The following FNIP1 variants were observed in gnomAD, a reference collection of about 807,000 sequenced individuals.
FNIP1 encodes folliculin-interacting protein 1.
A neutral mutation model predicts 124.5 loss-of-function variants in FNIP1; 40 were observed. The observed-to-expected ratio is 0.32, with a 90% CI of 0.25 to 0.42. FNIP1 has a LOEUF of 0.42. FNIP1 is among the 10% of genes least tolerant of loss of function. The pLI, the probability that FNIP1 is intolerant of heterozygous loss-of-function variation, is 1.00. For missense variants in FNIP1, 1,176 were observed against 1,403.7 expected, an observed-to-expected ratio of 0.84 and a Z score of 2.59; for synonymous variants, 472 against 470.6, an observed-to-expected ratio of 1.00 and a Z score of -0.04.
rs553805448 is a variant in FNIP1, at chr5:131,685,445, A to C, written c.1203-6270T>G. Among the ~76,000 whole-genome samples, 33 of 134,902 alleles carry C rather than the reference A, an allele frequency of 2.4e-4. No homozygotes were observed. The East Asian group carries it at 7.3e-3, about 30-fold the overall frequency. 88.5% of individuals were successfully genotyped at this position (134,902 alleles called of 152,430 possible). ...CTTCAGGGGAAGCAAAACCCTTAAG[A>C]ATCTTTTTTTTTTTTTTTTTTGAGA... On this transcript the variant is annotated intron_variant, in intron 11 of 17. Coordinates refer to ENST00000510461, the MANE Select transcript of FNIP1 (RefSeq NM_133372.3).
At chr5:131,718,900 T>C in intron 5 of FNIP1, 86 bp downstream of exon 5, 2 of 1,074,282 alleles carry the variant, frequency 1.9e-6, no homozygotes, top group South Asian at 2.8e-5. Context: ...TCTGAACTTG[T>C]GCTGCAGTCC....
intron 2 of FNIP1, among the ~76,000 whole-genome samples, chr5:131,742,012 G>A (rs916772208): frequency 6.6e-6 from 1 of 152,076 alleles, no homozygotes; most frequent in African/African-American, 2.4e-5. Context: ...ACAGATGGAC[G>A]CTGCTTCCAA....
At chr5:131,725,746 G>A (rs13162064) in intron 3 of FNIP1, among the ~76,000 whole-genome samples, 96,777 of 152,088 alleles carry the variant, frequency 0.64, 32,849 homozygotes, top group Non-Finnish European at 0.77. Context: ...GAATAGGAGT[G>A]GTGAGAGAGG....
intron 15 of FNIP1, among the ~76,000 whole-genome samples, chr5:131,652,513 CCTGA>C (rs1767070361): frequency 2.6e-5 from 4 of 152,164 alleles, no homozygotes; most frequent in Admixed American, 2.0e-4. Context: ...CGCCACCACG[CCTGA>C]CTAATTTTTT....
At chr5:131,747,267 C>T (rs1229386207) in intron 1 of FNIP1, among the ~76,000 whole-genome samples, 1 of 152,182 alleles carries the variant, frequency 6.6e-6, no homozygotes, top group Non-Finnish European at 1.5e-5. Context: ...AGCCTTAACC[C>T]TAACTCTGTC....
chr5:131,652,789 T>G (rs1186382120), intron 15 of FNIP1, among the ~76,000 whole-genome samples: 3 of 151,902 alleles, frequency 2.0e-5, no homozygotes, highest in Admixed American at 1.3e-4. Context: ...TAGCCAGACC[T>G]CGTCTCTACA....
In FNIP1 at chr5:131,644,715, G is replaced by T; in HGVS notation, c.3471C>A (p.His1157Gln). 1 of 1,613,964 alleles carries T rather than the reference G, an allele frequency of 6.2e-7. No homozygotes were observed. Among genetic ancestry groups the T allele is most frequent in the South Asian group, 1.1e-5 (1 of 91,084 alleles). ...GGAGTATTTGTGCAACATATGGAGA[G>T]TGAGTGCTTGCTACAGCAGCCAGAA... The part of the protein sequence containing the change: ...LPLLAAVAST[H>Q]SPYVAQILL Residue 1157 changes from histidine to glutamine, a missense_variant, in exon 18 of 18, where the codon CAC (histidine) becomes CAA (glutamine). This residue lies in a region of FNIP1 where 67 missense variants were observed against 115.2 expected (regional missense o/e 0.58). Transcript: ENST00000510461.
chr5:131,709,181 A>T lies in FNIP1; in HGVS notation c.778+20T>A. 1.9e-6 allele frequency: 3 copies of T among 1,605,950 alleles called. No homozygotes were observed. Among genetic ancestry groups the T allele is most frequent in the South Asian group, 2.2e-5 (2 of 90,466 alleles). On this transcript the variant is annotated intron_variant, in intron 8 of 17. Coordinates refer to ENST00000510461, the MANE Select transcript of FNIP1 (RefSeq NM_133372.3). ...CAACAGTAATCTCATAAAAAACTGA[A>T]TACAAGAACGTGACATTACCAGACC...
At chr5:131,727,573 T>C (rs1211342036) in intron 3 of FNIP1, among the ~76,000 whole-genome samples, 2 of 152,200 alleles carry the variant, frequency 1.3e-5, no homozygotes, top group African/African-American at 2.4e-5. Flanking sequence ...ATGTGTATCT[T>C]TGCAGATGAG....
Position 131,796,837 on chromosome 5 carries a change from C to G in FNIP1, c.85G>C (p.Gly29Arg). 4 of 1,591,180 alleles carry G rather than the reference C, an allele frequency of 2.5e-6. No individual in the cohort carries two copies. Among genetic ancestry groups the G allele is most frequent in the Non-Finnish European group, 3.4e-6 (4 of 1,169,496 alleles). Reference protein sequence around the residue: ...PGRDARDPDCGFSWPLPEFDP... With the variant: ...PGRDARDPDCRFSWPLPEFDP... ...CGCCCCACAGCGCCCTACCTGAACC[C>G]GCAATCTGGGTCCCGGGCGTCGCGG... The change falls in exon 1 of 18, where the codon GGG (glycine) becomes CGG (arginine). Residue 29 changes from glycine (G) to arginine (R), a missense_variant. Gly to Arg is a moderately radical substitution (Grantham distance 125, BLOSUM62 -2). Around this residue, in one of 2 missense-constraint regions of FNIP1, gnomAD observed 1,109 missense variants for 1,288.5 expected, o/e 0.86. Transcript: ENST00000510461.
rs981736974 is a variant in FNIP1, at chr5:131,770,220, C to T, written c.93-25530G>A. On this transcript the variant is annotated intron_variant, in intron 1 of 17. Transcript: ENST00000510461. ...GGCCCTAATGATCACAGGGCCCAGA[C>T]TGGTCAGTATGTAAACTGGCTCACT... Among the ~76,000 whole-genome samples the T allele has an allele frequency of 6.2e-4, 95 of 152,236 alleles. 1 individual carries two copies. Among genetic ancestry groups the T allele is most frequent in the African/African-American group, 2.2e-3 (92 of 41,466 alleles).
intron 15 of FNIP1, among the ~76,000 whole-genome samples, chr5:131,652,294 G>A (rs1241349241): frequency 6.6e-6 from 1 of 152,200 alleles, no homozygotes; most frequent in African/African-American, 2.4e-5. Context: ...AATGTATTAA[G>A]TGTCTACTAT....
chr5:131,700,311 C>T (rs1474049218), intron 10 of FNIP1, among the ~76,000 whole-genome samples: 1 of 151,872 alleles, frequency 6.6e-6, no homozygotes, highest in Non-Finnish European at 1.5e-5. Context: ...TATATTTAGC[C>T]AAGGTTAAAA....
intron 2 of FNIP1, among the ~76,000 whole-genome samples, chr5:131,736,275 T>G (rs1040035633): frequency 6.6e-6 from 1 of 152,220 alleles, no homozygotes; most frequent in African/African-American, 2.4e-5. Flanking sequence ...GTACATTTTC[T>G]CTAATACTAA....
rs112141152 is a variant in FNIP1, at chr5:131,705,970, T to C, written c.914+441A>G. Among the ~76,000 whole-genome samples, 501 of 152,206 alleles carry C rather than the reference T, an allele frequency of 3.3e-3. 2 individuals carry two copies. Among genetic ancestry groups the C allele is most frequent in the African/African-American group, 0.012 (480 of 41,534 alleles). On this transcript the variant is annotated intron_variant, in intron 9 of 17. Transcript: ENST00000510461. ...CAACATCGATAAACCTTGAAAACAT[T>C]ATGCTAAATGAAATAAGGCAGACAC... is the stretch of plus-strand genomic sequence containing the variant.
chr5:131,678,535 G>C (rs1167527203), intron 12 of FNIP1, among the ~76,000 whole-genome samples: 1 of 152,108 alleles, frequency 6.6e-6, no homozygotes, highest in African/African-American at 2.4e-5. Context: ...AGCCTCCCAA[G>C]TAGCTGGGAC....
At chr5:131,684,589 C>T (rs72791128) in intron 11 of FNIP1, among the ~76,000 whole-genome samples, 215 of 152,206 alleles carry the variant, frequency 1.4e-3, no homozygotes, top group Non-Finnish European at 2.5e-3. Context: ...AAATTCCAGG[C>T]AATCTTGAAA....
chr5:131,645,958 T>G (rs1766868196), intron 17 of FNIP1, among the ~76,000 whole-genome samples: 2 of 152,166 alleles, frequency 1.3e-5, no homozygotes, highest in African/African-American at 4.8e-5. Context: ...GAGTAGGGGT[T>G]GGAAGTTGGG....
intron 11 of FNIP1, among the ~76,000 whole-genome samples, chr5:131,681,666 A>AG: frequency 6.6e-6 from 1 of 151,846 alleles, no homozygotes; most frequent in East Asian, 1.9e-4. Flanking sequence ...CTGAAATGAA[A>AG]AAAGCATAGA....
Sources: gnomAD v4.1 joint callset for allele counts (sites outside exome capture counted in the v4.1 genomes callset) on GRCh38, gnomAD v4.1.1 for gene constraint, gnomAD v4.1.1 regional missense constraint, MANE v1.5 for transcripts, NCBI Gene and HGNC (gene_info 2026-07-23, HGNC 2026-07-21) for gene names.